SRBD1: variants seen among roughly 807,000 people sequenced by gnomAD.
The protein encoded by SRBD1 is S1 RNA binding domain 1.
In SRBD1, 88 loss-of-function variants were observed where a neutral mutation model predicts 115.3. That is an observed-to-expected ratio of 0.76 (90% CI 0.64 to 0.91). SRBD1 has a LOEUF of 0.91. SRBD1 is among the 40% of genes least tolerant of loss of function. SRBD1 has a pLI of 0.00. For missense variants in SRBD1, 1,385 were observed against 1,177.4 expected (o/e 1.18, Z -2.58); for synonymous variants, 509 against 407.7 (o/e 1.25, Z -2.99).
intron 4 of SRBD1, among the ~76,000 whole-genome samples, chr2:45,598,547 G>A (rs1452684298): frequency 2.0e-5 from 3 of 151,714 alleles, no homozygotes; most frequent in Admixed American, 6.6e-5. Context: ...CCGGGAGGTG[G>A]AGCTGACAGT....
rs149995742 is a variant in SRBD1, at chr2:45,585,645, A to C, written c.778T>G (p.Ser260Ala). 5.0e-6 allele frequency: 8 copies of C among 1,611,682 alleles called. No individual in the cohort carries two copies. Among genetic ancestry groups the C allele is most frequent in the Non-Finnish European group, 6.8e-6 (8 of 1,179,368 alleles). Residue 260 changes from serine to alanine, a missense_variant, in exon 5 of 21, where the codon TCC becomes GCC. Physicochemically the swap from Ser to Ala is moderately conservative, Grantham distance 99. Transcript: ENST00000263736. ...KELINNLDAD[S>A]LREVQQTLEE... ...AGGGTTTGCTGAACTTCTCTCAAGG[A>C]ATCAGCATCAAGGTTATTAATGAGC...
intron 14 of SRBD1, among the ~76,000 whole-genome samples, chr2:45,511,795 CT>C (rs1164233787): frequency 6.6e-6 from 1 of 152,178 alleles, no homozygotes; most frequent in African/African-American, 2.4e-5. Context: ...AGATACCAAG[CT>C]TTTTGGCATT....
chr2:45,536,352 A>T (rs967834534), intron 14 of SRBD1, among the ~76,000 whole-genome samples: 3 of 151,986 alleles, frequency 2.0e-5, no homozygotes, highest in Non-Finnish European at 2.9e-5. Context: ...CATACTTGAT[A>T]GAATACTTAA....
chr2:45,604,513 T>A (rs557855107), intron 2 of SRBD1, among the ~76,000 whole-genome samples: 1 of 152,090 alleles, frequency 6.6e-6, no homozygotes, highest in Admixed American at 6.5e-5. Flanking sequence ...ATCCTACTCA[T>A]TACAATCTCA....
intron 7 of SRBD1, among the ~76,000 whole-genome samples, chr2:45,578,783 C>G (rs575497209): frequency 6.6e-6 from 1 of 152,056 alleles, no homozygotes; most frequent in African/African-American, 2.4e-5. Flanking sequence ...ACATACAACA[C>G]GGGGGCTACA....
In SRBD1 at chr2:45,585,411, T is replaced by C. The variant is rs766153223; in HGVS notation, c.815+197A>G. On this transcript the variant is annotated intron_variant, in intron 5 of 20. Coordinates refer to ENST00000263736, the MANE Select transcript of SRBD1 (RefSeq NM_018079.5). ...TTACTGCAAATGACCTTTTTGCTAA[T>C]ACATGCTCAAGCTATGCATAAACAC... is the stretch of plus-strand genomic sequence containing the variant. 9.9e-5 allele frequency among the ~76,000 whole-genome samples: 15 copies of C among 152,222 alleles called. 1 individual carries two copies. Among genetic ancestry groups the C allele is most frequent in the Admixed American group, 7.2e-4 (11 of 15,288 alleles).
At chr2:45,496,822 T>C (rs1670473945) in intron 14 of SRBD1, among the ~76,000 whole-genome samples, 2 of 152,230 alleles carry the variant, frequency 1.3e-5, no homozygotes, top group Admixed American at 1.3e-4. Context: ...TCTAACATAC[T>C]CACCACCCAG....
chr2:45,604,337 T>C (rs952959671), intron 2 of SRBD1, among the ~76,000 whole-genome samples: 11 of 149,304 alleles, frequency 7.4e-5, no homozygotes, highest in Non-Finnish European at 1.5e-4. Flanking sequence ...GATTTTTATA[T>C]TGAGCCATAA....
chr2:45,437,127 G>A (rs72880640), intron 16 of SRBD1, among the ~76,000 whole-genome samples: 3,495 of 152,154 alleles, frequency 0.023, 126 homozygotes, highest in African/African-American at 0.08. Context: ...TAAGAGGAGA[G>A]ATATTTCATG....
At chr2:45,546,886 T>C in intron 13 of SRBD1, 47 bp from the exon 14 acceptor site, 1 of 1,548,726 alleles carries the variant, frequency 6.5e-7, no homozygotes, top group Non-Finnish European at 8.9e-7. Context: ...AGGCATGCTT[T>C]GAAATCAGCT....
intron 14 of SRBD1, among the ~76,000 whole-genome samples, chr2:45,534,311 A>G (rs1264779956): frequency 1.3e-5 from 2 of 151,998 alleles, no homozygotes; most frequent in Non-Finnish European, 2.9e-5. Flanking sequence ...ACTGTAAAAC[A>G]TAGTTTTATT....
rs1275899618 is a variant in SRBD1 at position 45,585,694 on chromosome 2, G to T, written c.729C>A (p.Pro243=). 1.2e-6 allele frequency: 2 copies of T among 1,612,420 alleles called. No homozygotes were observed. Among genetic ancestry groups the T allele is most frequent in the Non-Finnish European group, 8.5e-7 (1 of 1,179,626 alleles). ...GCTCTTTTCTATAACGTATAATGAA[G>T]GGAATTGTGTTATCATCATTAAAGA... ...IRLFNDDNTI[P]FIIRYRKELI... The change falls in exon 5 of 21, where the codon CCC becomes CCA. Residue 243 remains proline (P), a synonymous_variant. Coordinates refer to ENST00000263736, the MANE Select transcript of SRBD1 (RefSeq NM_018079.5).
intron 9 of SRBD1, among the ~76,000 whole-genome samples, chr2:45,563,190 G>T (rs938143430): frequency 6.6e-6 from 1 of 152,088 alleles, no homozygotes; most frequent in African/African-American, 2.4e-5. Context: ...TAATTGTAGA[G>T]CCTATCTAAG....
chr2:45,456,612 G>A (rs975871608), intron 16 of SRBD1, among the ~76,000 whole-genome samples: 4 of 151,824 alleles, frequency 2.6e-5, no homozygotes, highest in Admixed American at 6.6e-5. Flanking sequence ...TCACCTGGAT[G>A]CTATCAATAA....
At chr2:45,526,464 C>CGGT (rs1364465398) in intron 14 of SRBD1, among the ~76,000 whole-genome samples, 2 of 151,586 alleles carry the variant, frequency 1.3e-5, no homozygotes, top group African/African-American at 2.4e-5. Flanking sequence ...GGTGAGAATG[C>CGGT]GGTGATGGGA....
At chr2:45,553,792 T>G in intron 10 of SRBD1, 62 bp from the exon 11 acceptor site, 1 of 1,092,888 alleles carries the variant, frequency 9.2e-7, no homozygotes, top group East Asian at 2.6e-5. Context: ...ATAAAAAGGC[T>G]CCCAAAAAGA....
At chr2:45,486,709 G>C (rs1670131798) in intron 15 of SRBD1, among the ~76,000 whole-genome samples, 1 of 150,922 alleles carries the variant, frequency 6.6e-6, no homozygotes, top group Non-Finnish European at 1.5e-5. Flanking sequence ...CTCCAGCCTG[G>C]GTGACAGCGA....
At chr2:45,532,385 T>C (rs1372151585) in intron 14 of SRBD1, among the ~76,000 whole-genome samples, 2 of 151,830 alleles carry the variant, frequency 1.3e-5, no homozygotes, top group Admixed American at 6.6e-5. Flanking sequence ...ATGGCACATT[T>C]ATAAAGAAGA....
intron 14 of SRBD1, among the ~76,000 whole-genome samples, chr2:45,520,473 G>C (rs571748545): frequency 7.9e-5 from 12 of 152,198 alleles, no homozygotes; most frequent in African/African-American, 2.9e-4. Context: ...AAATACGGGG[G>C]AGAAGAGGGC....
Sources: allele counts gnomAD v4.1 joint callset (sites outside exome capture counted in the v4.1 genomes callset), GRCh38; gene constraint gnomAD v4.1.1; transcripts MANE v1.5; gene names NCBI Gene and HGNC (gene_info 2026-07-23, HGNC 2026-07-21).